HDAC7: variants seen among roughly 807,000 people sequenced by gnomAD.
The protein encoded by HDAC7 is histone deacetylase 7.
A neutral mutation model predicts 115.5 loss-of-function variants in HDAC7; 26 were observed. The observed-to-expected ratio is 0.23, with a 90% CI of 0.16 to 0.31. HDAC7 has a LOEUF of 0.31. Among genes scored for constraint, HDAC7 ranks in the 10% least tolerant of loss-of-function variants. HDAC7 has a pLI of 1.00. For synonymous variants in HDAC7, 564 were observed against 550.9 expected (o/e 1.02, Z -0.33); for missense variants, 1,068 against 1,329.0 (o/e 0.80, Z 3.05).
chr12:47,814,851 A>G (rs566208293), intron 1 of HDAC7, among the ~76,000 whole-genome samples: 1 of 152,272 alleles, frequency 6.6e-6, no homozygotes, highest in East Asian at 1.9e-4. Flanking sequence ...TCCCCTGGCC[A>G]CCCTATCAAA....
rs910512042 is a variant in HDAC7 at position 47,797,754 on chromosome 12, T to G, written c.462-255A>C. ...TGGGTGAAGAGCCCACTGGGGGCTCTGTCACCTGCACTAGGAACCTGCTCT... is the reference window on the plus strand; with the variant it reads ...TGGGTGAAGAGCCCACTGGGGGCTCGGTCACCTGCACTAGGAACCTGCTCT... On this transcript the variant is annotated intron_variant, in intron 5 of 25. Transcript: ENST00000080059. This position sits in a 1 kb window ranked among gnomAD's most constrained non-coding sequence, Gnocchi z 5.5. Among the ~76,000 whole-genome samples, 2 of 152,158 alleles carry G rather than the reference T, an allele frequency of 1.3e-5. No homozygotes were observed. The highest frequency in any genetic ancestry group is 4.8e-5 in the African/African-American group (2 of 41,432).
At chr12:47,820,260 C>G (rs959326965), upstream of HDAC7, among the ~76,000 whole-genome samples, 1 of 152,170 alleles carries the variant, frequency 6.6e-6, no homozygotes, top group Non-Finnish European at 1.5e-5. This position sits in a 1 kb window ranked among gnomAD's most constrained non-coding sequence, Gnocchi z 4.3. Context: ...GCATACACAA[C>G]GTACACGAGC....
At chr12:47,807,543 C>A (rs1944455723) in intron 1 of HDAC7, among the ~76,000 whole-genome samples, 1 of 152,074 alleles carries the variant, frequency 6.6e-6, no homozygotes, top group Non-Finnish European at 1.5e-5. Context: ...ACGCTCTCAA[C>A]CAATACACTC....
In HDAC7 at chr12:47,795,206, T is replaced by G. The variant is rs1943744684; in HGVS notation, c.1262A>C (p.Lys421Thr). 2 of 1,612,912 alleles carry G rather than the reference T, an allele frequency of 1.2e-6. No homozygotes were observed. The highest frequency in any genetic ancestry group is 1.3e-5 in the African/African-American group (1 of 74,892). ...GPMQPRLEQL[K>T]THVQVIKRSA... Reference sequence around the variant, plus strand: ...CACCTTGATCACCTGGACGTGAGTTTTGAGCTGCTCCAGGCGGGGCTGCAT... The same window carrying G: ...CACCTTGATCACCTGGACGTGAGTTGTGAGCTGCTCCAGGCGGGGCTGCAT... Residue 421 changes from lysine (K) to threonine (T), a missense_variant, in exon 11 of 26, where the codon AAA (lysine) becomes ACA (threonine). Physicochemically the swap from Lys to Thr is moderately conservative, Grantham distance 78 (BLOSUM62 -1). Transcript: ENST00000080059. This position sits in a 1 kb window ranked among gnomAD's most constrained non-coding sequence, Gnocchi z 4.3.
rs146258463 is a variant in HDAC7 at position 47,799,554 on chromosome 12, C to T, written c.71-582G>A. ...CCTCAAGCCTACAGCCAGCCCTGACCGGCCACGTTGGGCCTGCAGAACCCT... is the reference window on the plus strand; with the variant it reads ...CCTCAAGCCTACAGCCAGCCCTGACTGGCCACGTTGGGCCTGCAGAACCCT... On this transcript the variant is annotated intron_variant, in intron 2 of 25. Coordinates refer to ENST00000080059, the MANE Select transcript of HDAC7 (RefSeq NM_015401.5). Among the ~76,000 whole-genome samples, 356 of 152,356 alleles carry T rather than the reference C, an allele frequency of 2.3e-3. 1 individual carries two copies. Among genetic ancestry groups the T allele is most frequent in the African/African-American group, 7.4e-3 (309 of 41,580 alleles).
At position 47,797,897 on chromosome 12, in the gene HDAC7, A is replaced by T. The variant is rs868649472; in HGVS notation, c.461+211T>A. The stretch of plus-strand genomic sequence containing the variant: ...GTGTGTGTGTGTGTGTGTGTGTGTG[A>T]GAAGGGCTCAGGTGGGGTGGGGAGA... On this transcript the variant is annotated intron_variant, in intron 5 of 25. Coordinates refer to ENST00000080059, the MANE Select transcript of HDAC7 (RefSeq NM_015401.5). The surrounding 1 kb of genome is among the most constrained non-coding windows in gnomAD (Gnocchi z 5.5). Among the ~76,000 whole-genome samples, 246 of 53,230 alleles carry T rather than the reference A, an allele frequency of 4.6e-3. 2 individuals are homozygous for T. Among genetic ancestry groups the T allele is most frequent in the South Asian group, 0.019 (35 of 1,800 alleles). The allele number at this position is 53,230 out of a possible 152,430, so 34.9% of individuals were successfully genotyped here. A position where few individuals can be genotyped will look rare whatever the true frequency, so the allele number is the denominator to read the frequency against.
At chr12:47,802,437 C>G in intron 1 of HDAC7, 163 bp from the exon 2 acceptor site, 2 of 1,550,006 alleles carry the variant, frequency 1.3e-6, no homozygotes, top group South Asian at 1.2e-5. Context: ...AGACCCCACC[C>G]CATTCGACTC....
At position 47,795,143 on chromosome 12, in the gene HDAC7, T is replaced by G. The variant is rs749811796; in HGVS notation, c.1284+41A>C. ...TTCTTTTGGCCCCTAAGTCCCCAGT[T>G]AAACACTCCCTCAATACCTCCACTG... On this transcript the variant is annotated intron_variant, in intron 11 of 25. Coordinates refer to ENST00000080059, the MANE Select transcript of HDAC7 (RefSeq NM_015401.5). The surrounding 1 kb of genome is among the most constrained non-coding windows in gnomAD (Gnocchi z 4.3). The G allele has an allele frequency of 6.5e-7, 1 of 1,531,118 alleles. No homozygotes were observed. 94.8% of individuals were successfully genotyped at this position (1,531,118 alleles called of 1,614,324 possible). A position where few individuals can be genotyped will look rare whatever the true frequency, so the allele number is the denominator to read the frequency against.
rs150619090 is a variant in HDAC7, at chr12:47,812,047, C to T, written c.19+7720G>A. ...ACAAGGGAAGGGCTAAAATAAAGTT[C>T]ACCCCAGCAGATGCTGGCAAGGTAC... On this transcript the variant is annotated intron_variant, in intron 1 of 25. Transcript: ENST00000080059. Among the ~76,000 whole-genome samples, 1,197 of 152,342 alleles carry T rather than the reference C, an allele frequency of 7.9e-3. 12 individuals carry two copies. Among genetic ancestry groups the T allele is most frequent in the Middle Eastern group, 0.017 (5 of 294 alleles).
At chr12:47,816,063 T>C (rs1169949551) in intron 1 of HDAC7, among the ~76,000 whole-genome samples, 7 of 152,008 alleles carry the variant, frequency 4.6e-5, no homozygotes, top group Non-Finnish European at 1.0e-4. Context: ...GCTAATTTTT[T>C]GTATTTTTAG....
chr12:47,784,044 A>G, intron 25 of HDAC7, 35 bp downstream of exon 25: 1 of 1,609,144 alleles, frequency 6.2e-7, no homozygotes, highest in Non-Finnish European at 8.5e-7. Flanking sequence ...AGCGGTGGAG[A>G]GGCTGTGGGC....
intron 1 of HDAC7, among the ~76,000 whole-genome samples, chr12:47,804,776 A>G (rs1468604532): frequency 1.3e-5 from 2 of 152,112 alleles, no homozygotes; most frequent in African/African-American, 4.8e-5. Context: ...CCCTGTTCCA[A>G]TAGGTGCACC....
chr12:47,785,856 T>A lies in HDAC7; in HGVS notation c.2602A>T (p.Asn868Tyr). The change falls in exon 23 of 26, where the codon AAC (asparagine) becomes TAC (tyrosine). Residue 868 changes from asparagine to tyrosine, a missense_variant. By Grantham distance (143) the Asn-to-Tyr change is moderately radical. This residue lies in a region of HDAC7 where 182 missense variants were observed against 301.1 expected (regional missense o/e 0.60). Coordinates refer to ENST00000080059, the MANE Select transcript of HDAC7 (RefSeq NM_015401.5). ...CFGYMTQQLM[N>Y]LAGGAVVLAL... ...AGCACCACTGCGCCTCCTGCCAGGT[T>A]CATCAGTTGCTGCGTCATGTATCCA... The A allele has an allele frequency of 1.2e-6, 2 of 1,609,944 alleles. No homozygotes were observed. The highest frequency in any genetic ancestry group is 1.7e-6 in the Non-Finnish European group (2 of 1,178,016).
chr12:47,797,484 C>T lies in HDAC7; in HGVS notation c.477G>A (p.Leu159=). The change falls in exon 6 of 26, where the codon CTG becomes CTA. Residue 159 remains leucine (L), a synonymous_variant. Transcript: ENST00000080059. The surrounding 1 kb of genome is among the most constrained non-coding windows in gnomAD (Gnocchi z 5.5). Reference sequence around the variant, plus strand: ...TGGAGCGGGTGGCTCCTTCCGTCTCCAGGGGCTCCAGGGTTCTACAGAACG... The same window carrying T: ...TGGAGCGGGTGGCTCCTTCCGTCTCTAGGGGCTCCAGGGTTCTACAGAACG... ...PGIPYRTLEP[L]ETEGATRSML... 1 of 1,611,730 alleles carries T rather than the reference C, an allele frequency of 6.2e-7. No individual in the cohort carries two copies. Among genetic ancestry groups the T allele is most frequent in the Non-Finnish European group, 8.5e-7 (1 of 1,178,600 alleles).
At chr12:47,799,130 G>C (rs1338797971) in intron 2 of HDAC7, 158 bp from the exon 3 acceptor site, 6 of 573,292 alleles carry the variant, frequency 1.0e-5, no homozygotes, top group Non-Finnish European at 1.2e-5. Flanking sequence ...GTCCTGCAAG[G>C]TAGGTATTAT....
chr12:47,785,492 G>A (rs754910839), intron 23 of HDAC7, 21 bp from the exon 24 acceptor site: 31 of 1,597,304 alleles, frequency 1.9e-5, no homozygotes, highest in Non-Finnish European at 2.6e-5. Flanking sequence ...CAGTACATCA[G>A]CCACCAGTCT....
intron 1 of HDAC7, among the ~76,000 whole-genome samples, chr12:47,805,040 C>A (rs939184869): frequency 6.6e-6 from 1 of 151,996 alleles, no homozygotes; most frequent in Admixed American, 6.6e-5. Flanking sequence ...ACCTAGAACG[C>A]CCCCCTCCCG....
chr12:47,812,104 C>T (rs1430552536), intron 1 of HDAC7, among the ~76,000 whole-genome samples: 1 of 152,252 alleles, frequency 6.6e-6, no homozygotes, highest in Non-Finnish European at 1.5e-5. Context: ...GCAGCCCCAT[C>T]CCAGACCCTC....
chr12:47,816,636 A>G (rs1023434868), intron 1 of HDAC7, among the ~76,000 whole-genome samples: 1 of 152,188 alleles, frequency 6.6e-6, no homozygotes, highest in Non-Finnish European at 1.5e-5. Flanking sequence ...TGCCTCTGGG[A>G]ACTGGTCCAG....
Sources: gnomAD v4.1 joint callset for allele counts (sites outside exome capture counted in the v4.1 genomes callset) on GRCh38, gnomAD v4.1.1 for gene constraint, gnomAD v4.1.1 regional missense constraint, Gnocchi (gnomAD v3.1) non-coding constraint, MANE v1.5 for transcripts, NCBI Gene and HGNC (gene_info 2026-07-23, HGNC 2026-07-21) for gene names.